The following BLTP1 variants were observed in gnomAD, a reference collection of about 807,000 sequenced individuals.
The protein encoded by BLTP1 is bridge-like lipid transfer protein family member 1, also known as fragile site-associated protein.
the BLTP1 span, chr4:122,207,458 T>C: frequency 6.7e-7 from 1 of 1,487,548 alleles, no homozygotes; most frequent in Non-Finnish European, 8.9e-7. Context: ...TTGTGCATTT[T>C]AGGCAATTTT....
the BLTP1 span, chr4:122,246,660 C>G: frequency 5.0e-6 from 8 of 1,595,206 alleles, no homozygotes; most frequent in Admixed American, 1.4e-4. Flanking sequence ...CTTGTCAGTT[C>G]TGAAATTTTG....
chr4:122,305,481 T>TC, the BLTP1 span: 23 of 977,356 alleles, frequency 2.4e-5, no homozygotes, highest in South Asian at 1.0e-3. Flanking sequence ...TAATCTTTTT[T>TC]CCTCTTTGAA....
chr4:122,361,993 A>T, the BLTP1 span: 4 of 1,589,446 alleles, frequency 2.5e-6, no homozygotes, highest in Non-Finnish European at 3.4e-6. Flanking sequence ...GCTTTAGGGC[A>T]TTACACTCCT....
chr4:122,239,581 A>C, the BLTP1 span: 1 of 1,614,012 alleles, frequency 6.2e-7, no homozygotes, highest in Non-Finnish European at 8.5e-7. Context: ...TCAGTAGGTC[A>C]ATCTCCTCTT....
At chr4:122,257,589 G>T in the BLTP1 span, 10 of 1,134,596 alleles carry the variant, frequency 8.8e-6, no homozygotes, top group South Asian at 1.2e-4. Context: ...TTTTTGCTTA[G>T]ATATTATGCA....
chr4:122,286,928 A>AGT, the BLTP1 span: 92 of 697,244 alleles, frequency 1.3e-4, no homozygotes, highest in South Asian at 3.0e-4. Flanking sequence ...TACCAAATCA[A>AGT]GTGTGTGTGT....
chr4:122,312,900 T>C, the BLTP1 span: 2 of 870,302 alleles, frequency 2.3e-6, no homozygotes, highest in African/African-American at 1.8e-5. Flanking sequence ...TAAATTGATA[T>C]TTAGTTTCTT....
chr4:122,192,263 A>G, the BLTP1 span: 6 of 1,612,868 alleles, frequency 3.7e-6, no homozygotes, highest in African/African-American at 8.0e-5. Flanking sequence ...AAAATATTGA[A>G]GGAGAAATGA....
the BLTP1 span, chr4:122,236,947 A>G: frequency 1.0e-6 from 1 of 985,356 alleles, no homozygotes; most frequent in South Asian, 4.7e-5. Flanking sequence ...CAGTGTCAGG[A>G]TAAAATCAAG....
At chr4:122,324,338 A>G in the BLTP1 span, 1 of 1,329,652 alleles carries the variant, frequency 7.5e-7, no homozygotes, top group South Asian at 1.6e-5. Flanking sequence ...AAAACAACTT[A>G]TTTAATAGTA....
the BLTP1 span, chr4:122,226,315 A>G: frequency 1.3e-6 from 1 of 757,776 alleles, no homozygotes; most frequent in Non-Finnish European, 1.6e-6. Flanking sequence ...TGTGATATTT[A>G]GATACTTTTT....
At chr4:122,283,022 TC>T in the BLTP1 span, among the ~76,000 whole-genome samples, 2 of 152,192 alleles carry the variant, frequency 1.3e-5, no homozygotes, top group Admixed American at 6.5e-5. Context: ...TTTAACTTTT[TC>T]TTTTGATCAG....
At chr4:122,221,790 A>G in the BLTP1 span, 2 of 984,398 alleles carry the variant, frequency 2.0e-6, no homozygotes, top group South Asian at 9.4e-5. Context: ...CAGTCTATTA[A>G]GGAAATTAAT....
At chr4:122,325,816 GTTTT>G in the BLTP1 span, 3 of 786,090 alleles carry the variant, frequency 3.8e-6, no homozygotes, top group South Asian at 2.3e-5. Flanking sequence ...TTTTTCATGA[GTTTT>G]TTTTTTTTTT....
the BLTP1 span, chr4:122,152,441 T>G: frequency 2.0e-6 from 2 of 985,744 alleles, no homozygotes; most frequent in South Asian, 9.4e-5. Context: ...GCGGCGGGGC[T>G]AAAGGGTGTG....
At chr4:122,178,052 G>T in the BLTP1 span, 5 of 846,044 alleles carry the variant, frequency 5.9e-6, no homozygotes, top group Non-Finnish European at 7.1e-6. Context: ...GAGTAACAGA[G>T]TATCTTTCTC....
the BLTP1 span, chr4:122,334,564 CTTTAT>C: frequency 1.3e-6 from 2 of 1,599,338 alleles, no homozygotes; most frequent in Non-Finnish European, 8.5e-7. Flanking sequence ...GGAGTATATA[CTTTAT>C]TTTTTGTCAT....
the BLTP1 span, chr4:122,224,022 C>A: frequency 2.0e-6 from 2 of 978,524 alleles, no homozygotes; most frequent in East Asian, 1.1e-4. Flanking sequence ...AGAAAACTCT[C>A]CTTGTATTTA....
the BLTP1 span, among the ~76,000 whole-genome samples, chr4:122,280,695 A>G: frequency 6.6e-6 from 1 of 151,592 alleles, no homozygotes; most frequent in South Asian, 2.1e-4. Context: ...ACCATGTAAA[A>G]GGTTAAAAAT....
Sources: gnomAD v4.1 joint callset for allele counts (sites outside exome capture counted in the v4.1 genomes callset) on GRCh38, gnomAD v4.1.1 for gene constraint, MANE v1.5 for transcripts, NCBI Gene and HGNC (gene_info 2026-07-23, HGNC 2026-07-21) for gene names.